OTUD7A: variants seen among roughly 807,000 people sequenced by gnomAD.
OTUD7A encodes OTU domain-containing protein 7A.
A neutral mutation model predicts 65.7 loss-of-function variants in OTUD7A; 12 were observed. The ratio of observed to expected loss-of-function variants is 0.18; its 90% CI spans 0.12 to 0.30. OTUD7A has a LOEUF of 0.30. Ranked by LOEUF, OTUD7A falls within the 10% of genes least tolerant of loss-of-function variation. OTUD7A has a pLI of 1.00. For synonymous variants in OTUD7A, 641 were observed against 586.3 expected (o/e 1.09, Z -1.35); for missense variants, 1,148 against 1,304.8 (o/e 0.88, Z 1.85).
chr15:31,567,368 A>G (rs1020923063), intron 4 of OTUD7A, among the ~76,000 whole-genome samples: 3 of 152,244 alleles, frequency 2.0e-5, no homozygotes, highest in Non-Finnish European at 4.4e-5. Flanking sequence ...TATAAGCAGC[A>G]AAGTATTCAA....
At chr15:31,575,202 A>G (rs962586327) in intron 3 of OTUD7A, among the ~76,000 whole-genome samples, 2 of 152,236 alleles carry the variant, frequency 1.3e-5, no homozygotes, top group African/African-American at 4.8e-5. Flanking sequence ...CAAGTAGCCA[A>G]CCTAAAACAG....
At chr15:31,853,155 T>C (rs925063928) in intron 1 of OTUD7A, among the ~76,000 whole-genome samples, 4 of 152,214 alleles carry the variant, frequency 2.6e-5, no homozygotes, top group Non-Finnish European at 5.9e-5. Flanking sequence ...AAAACTCTTC[T>C]TGGAAAAGGA....
At chr15:31,847,780 A>G (rs1567053497) in intron 1 of OTUD7A, among the ~76,000 whole-genome samples, 2 of 152,244 alleles carry the variant, frequency 1.3e-5, no homozygotes, top group South Asian at 4.1e-4. Context: ...CACAGGCTTA[A>G]CAGGAAGCAT....
chr15:31,503,837 C>G lies in OTUD7A; in HGVS notation c.894-19G>C. The G allele has an allele frequency of 1.2e-6, 2 of 1,613,820 alleles. No homozygotes were observed. Among genetic ancestry groups the G allele is most frequent in the East Asian group, 2.2e-5 (1 of 44,888 alleles). ...GTCCACACTGTGAAACAAAACAGAG[C>G]CAGCTGGTCACTGACTAAAACAGGG... On this transcript the variant is annotated intron_variant, in intron 8 of 12. Coordinates refer to ENST00000307050, the MANE Select transcript of OTUD7A (RefSeq NM_001382637.1).
intron 8 of OTUD7A, among the ~76,000 whole-genome samples, chr15:31,510,522 C>A (rs1236647077): frequency 1.4e-5 from 2 of 138,182 alleles, no homozygotes; most frequent in Non-Finnish European, 3.0e-5. Flanking sequence ...ATATGTATAT[C>A]TATATGTAAC....
Position 31,805,143 on chromosome 15 carries a change from T to C in OTUD7A, c.-100+65364A>G, listed in dbSNP as rs567965664. Among the ~76,000 whole-genome samples the C allele has an allele frequency of 8.4e-4, 128 of 152,326 alleles. 1 individual carries two copies. Among genetic ancestry groups the C allele is most frequent in the African/African-American group, 3.0e-3 (125 of 41,574 alleles). ...AGAGGCAACAGGTCGGGTGAGTTAG[T>C]TTCCCTGTAGGGTCTAGGATCTGTT... On this transcript the variant is annotated intron_variant, in intron 1 of 12. Coordinates refer to ENST00000307050, the MANE Select transcript of OTUD7A (RefSeq NM_001382637.1).
At chr15:31,629,552 C>A (rs1047309159) in intron 3 of OTUD7A, among the ~76,000 whole-genome samples, 1 of 152,144 alleles carries the variant, frequency 6.6e-6, no homozygotes, top group Non-Finnish European at 1.5e-5. Context: ...AGCTAAAATT[C>A]TCTTTTTTGT....
intron 1 of OTUD7A, among the ~76,000 whole-genome samples, chr15:31,744,943 C>A (rs1595741175): frequency 6.6e-6 from 1 of 152,070 alleles, no homozygotes; most frequent in South Asian, 2.1e-4. Flanking sequence ...TAAAAGAAAT[C>A]AATTTATAAT....
At chr15:31,763,265 A>T (rs965956244) in intron 1 of OTUD7A, among the ~76,000 whole-genome samples, 2 of 151,976 alleles carry the variant, frequency 1.3e-5, no homozygotes, top group Non-Finnish European at 2.9e-5. Context: ...CCTGGGCAAC[A>T]GAGCGAGACT....
At chr15:31,548,067 CCA>C (rs59996153) in intron 5 of OTUD7A, among the ~76,000 whole-genome samples, 47,767 of 152,042 alleles carry the variant, frequency 0.31, 9,088 homozygotes, top group East Asian at 0.69. Flanking sequence ...TCTGTACGTA[CCA>C]TATACTCCTA....
intron 1 of OTUD7A, among the ~76,000 whole-genome samples, chr15:31,757,157 G>A (rs1201441330): frequency 6.6e-6 from 1 of 152,074 alleles, no homozygotes; most frequent in African/African-American, 2.4e-5. Context: ...CTCTAAGGCA[G>A]AGGCAGATCT....
chr15:31,708,809 A>C (rs1305721433), intron 1 of OTUD7A, among the ~76,000 whole-genome samples: 1 of 151,192 alleles, frequency 6.6e-6, no homozygotes, highest in East Asian at 2.0e-4. Context: ...AGGGGACTTC[A>C]AGACTCGATG....
At chr15:31,742,907 C>T (rs1452588064) in intron 1 of OTUD7A, among the ~76,000 whole-genome samples, 1 of 151,872 alleles carries the variant, frequency 6.6e-6, no homozygotes, top group East Asian at 1.9e-4. Flanking sequence ...TATTAATTCA[C>T]CAGGAAGACA....
intron 1 of OTUD7A, among the ~76,000 whole-genome samples, chr15:31,685,396 A>G (rs1892812224): frequency 6.6e-6 from 1 of 152,180 alleles, no homozygotes; most frequent in African/African-American, 2.4e-5. Flanking sequence ...CTGTCATCCC[A>G]GCACTTTGGG....
intron 1 of OTUD7A, among the ~76,000 whole-genome samples, chr15:31,673,492 C>T (rs1286216351): frequency 6.6e-6 from 1 of 152,212 alleles, no homozygotes; most frequent in African/African-American, 2.4e-5. Flanking sequence ...TGAAAATGCG[C>T]AGCAGAGCTT....
chr15:31,688,165 G>A (rs572381663), intron 1 of OTUD7A, among the ~76,000 whole-genome samples: 3 of 150,346 alleles, frequency 2.0e-5, no homozygotes, highest in Admixed American at 6.7e-5. Flanking sequence ...GCAGTGAGCC[G>A]AGATCGTGCC....
chr15:31,538,132 C>G (rs1887866857), intron 5 of OTUD7A, among the ~76,000 whole-genome samples: 1 of 152,216 alleles, frequency 6.6e-6, no homozygotes. Context: ...GGGCTTGCTC[C>G]TCCTTCACAA....
intron 3 of OTUD7A, among the ~76,000 whole-genome samples, chr15:31,588,820 G>A (rs774103238): frequency 6.6e-5 from 10 of 152,226 alleles, no homozygotes; most frequent in African/African-American, 2.2e-4. Flanking sequence ...TCACAGCCGA[G>A]ACTGCTTTTC....
rs188311824 is a variant in OTUD7A at position 31,735,649 on chromosome 15, T to G, written c.-99-78572A>C. Among the ~76,000 whole-genome samples the G allele has an allele frequency of 4.7e-3, 720 of 152,270 alleles. 5 individuals carry two copies. The highest frequency in any genetic ancestry group is 8.2e-3 in the Non-Finnish European group (558 of 68,008). The stretch of plus-strand genomic sequence containing the variant: ...AGTTCAACCATTGTGGAAGATAGTG[T>G]GGTGATTTCTCAAAGACCTAAACAT... On this transcript the variant is annotated intron_variant, in intron 1 of 12. Coordinates refer to ENST00000307050, the MANE Select transcript of OTUD7A (RefSeq NM_001382637.1).
Sources: gnomAD v4.1 joint callset for allele counts (sites outside exome capture counted in the v4.1 genomes callset) on GRCh38, gnomAD v4.1.1 for gene constraint, MANE v1.5 for transcripts, NCBI Gene and HGNC (gene_info 2026-07-23, HGNC 2026-07-21) for gene names.